Variants in LARS1 observed in about 807,000 individuals in gnomAD.
LARS1 encodes the protein leucine--tRNA ligase, cytoplasmic.
Under a neutral mutation model 162.8 loss-of-function variants are expected in LARS1, and 100 were observed. That is an observed-to-expected ratio of 0.61 (90% CI 0.52 to 0.73). The LOEUF (loss-of-function observed/expected upper bound fraction) is 0.73. LARS1 is among the 30% of genes least tolerant of loss of function. The probability of loss-of-function intolerance (pLI) is 0.00; values close to 1 mark genes in which losing one functional copy is unlikely to be tolerated. For synonymous variants in LARS1, 457 were observed against 462.8 expected, an observed-to-expected ratio of 0.99 and a Z score of 0.16; for missense variants, 1,258 against 1,408.9, an observed-to-expected ratio of 0.89 and a Z score of 1.71.
chr5:146,133,836 T>C (rs558192906), intron 22 of LARS1, among the ~76,000 whole-genome samples: 1 of 152,188 alleles, frequency 6.6e-6, no homozygotes, highest in African/African-American at 2.4e-5. Flanking sequence ...TACATACACA[T>C]ATCTATGTTT....
chr5:146,160,421 C>T lies in LARS1; in HGVS notation c.660G>A (p.Trp220Ter). Residue 220 changes from tryptophan to a stop codon, truncating the protein, a stop_gained, in exon 7 of 32, where the codon TGG (tryptophan) becomes TGA (stop). Coordinates refer to ENST00000394434, the MANE Select transcript of LARS1 (RefSeq NM_020117.11). LOFTEE classifies it high-confidence loss of function. ...VNPYYDSFVR[W>*]QFLTLRERNK... The stretch of plus-strand genomic sequence containing the variant: ...TTCTTTCTCTTAATGTTAAAAATTG[C>T]CATCTGACAAATGAATCATAGTAAG... The T allele has an allele frequency of 6.3e-7, 1 of 1,583,348 alleles. No individual in the cohort carries two copies. The highest frequency in any genetic ancestry group is 8.6e-7 in the Non-Finnish European group (1 of 1,166,338).
chr5:146,175,311 G>A (rs948511075), intron 2 of LARS1, among the ~76,000 whole-genome samples: 1 of 148,868 alleles, frequency 6.7e-6, no homozygotes, highest in Non-Finnish European at 1.5e-5. Context: ...TTTGGGAGTC[G>A]GAGGCAGGCG....
intron 15 of LARS1, among the ~76,000 whole-genome samples, chr5:146,146,360 A>AG (rs1561814165): frequency 2.2e-5 from 3 of 136,896 alleles, no homozygotes; most frequent in African/African-American, 5.0e-5. Flanking sequence ...AAAAAGAAAG[A>AG]GAAGAGAGAG....
At chr5:146,144,199 G>A in intron 18 of LARS1, 68 bp downstream of exon 18, 1 of 1,176,794 alleles carries the variant, frequency 8.5e-7, no homozygotes, top group South Asian at 1.4e-5. Context: ...AGGGGGGAAA[G>A]GTAAAAATGT....
intron 6 of LARS1, among the ~76,000 whole-genome samples, chr5:146,163,318 T>C (rs1449242742): frequency 2.0e-5 from 3 of 152,206 alleles, no homozygotes; most frequent in Non-Finnish European, 4.4e-5. Context: ...ACTTTCTCCA[T>C]ATCTGCAATA....
chr5:146,182,502 C>T lies in LARS1; in HGVS notation c.-9G>A. On this transcript the variant is annotated 5_prime_UTR_variant, in exon 1 of 32. Transcript: ENST00000394434. ...CTCAAACTCACCGCCATTGCACCGC[C>T]CAGCCGACTGTGCAAATCCACGACA... 6.2e-7 allele frequency: 1 copy of T among 1,613,940 alleles called. No homozygotes were observed. Among genetic ancestry groups the T allele is most frequent in the Non-Finnish European group, 8.5e-7 (1 of 1,179,880 alleles).
chr5:146,149,582 C>G, intron 15 of LARS1, 40 bp downstream of exon 15: 1 of 1,384,988 alleles, frequency 7.2e-7, no homozygotes, highest in Admixed American at 1.7e-5. Context: ...CTATTAACAG[C>G]TCTTCTAAAA....
chr5:146,129,547 C>T (rs551641624), intron 25 of LARS1, among the ~76,000 whole-genome samples: 18 of 152,232 alleles, frequency 1.2e-4, no homozygotes, highest in African/African-American at 4.1e-4. Flanking sequence ...TACAAAAGAG[C>T]CTAGCTAATA....
Position 146,142,183 on chromosome 5 carries a change from G to A in LARS1, c.2090+689C>T, listed in dbSNP as rs573912836. On this transcript the variant is annotated intron_variant, in intron 20 of 31. Coordinates refer to ENST00000394434, the MANE Select transcript of LARS1 (RefSeq NM_020117.11). ...CTCAAAAAAAATAAAAAATATTCGGGAGGCTGAGACAGGAGAATTGCTTGA... is the reference window on the plus strand; with the variant it reads ...CTCAAAAAAAATAAAAAATATTCGGAAGGCTGAGACAGGAGAATTGCTTGA... Among the ~76,000 whole-genome samples the A allele has an allele frequency of 2.0e-4, 30 of 152,074 alleles. No individual in the cohort carries two copies. In the South Asian group the frequency reaches 5.8e-3, roughly 30 times the overall value.
chr5:146,152,151 T>A, intron 13 of LARS1, 149 bp from the exon 14 acceptor site: 1 of 855,122 alleles, frequency 1.2e-6, no homozygotes, highest in Non-Finnish European at 1.8e-6. Context: ...AATCACAGAG[T>A]GACTAACTTC....
intron 5 of LARS1, among the ~76,000 whole-genome samples, chr5:146,167,722 G>C (rs1188367370): frequency 6.8e-6 from 1 of 147,620 alleles, no homozygotes; most frequent in Middle Eastern, 3.6e-3. Context: ...GTAGAGACGG[G>C]GTTTCACCAT....
At chr5:146,124,469 AC>A (rs967111594) in intron 28 of LARS1, among the ~76,000 whole-genome samples, 1 of 151,880 alleles carries the variant, frequency 6.6e-6, no homozygotes, top group African/African-American at 2.4e-5. Context: ...CCCAAAAAAA[AC>A]AAAATTTTAA....
At chr5:146,175,404 G>A (rs1374610090) in intron 2 of LARS1, among the ~76,000 whole-genome samples, 2 of 151,614 alleles carry the variant, frequency 1.3e-5, no homozygotes, top group Admixed American at 1.3e-4. Flanking sequence ...TTAGCCAGGC[G>A]TGGTGGCATG....
chr5:146,141,050 T>C (rs901763943), intron 20 of LARS1, among the ~76,000 whole-genome samples: 9 of 152,168 alleles, frequency 5.9e-5, no homozygotes, highest in Admixed American at 3.3e-4. Flanking sequence ...AATAGAGTAG[T>C]GTGCAGGCAA....
At chr5:146,140,822 C>T (rs1177992795) in intron 20 of LARS1, among the ~76,000 whole-genome samples, 1 of 150,806 alleles carries the variant, frequency 6.6e-6, no homozygotes, top group Non-Finnish European at 1.5e-5. Flanking sequence ...TGTATATATA[C>T]ACACACACAC....
At position 146,153,827 on chromosome 5, in the gene LARS1, T is replaced by C. The variant is rs745419496; in HGVS notation, c.1154-17A>G. On this transcript the variant is annotated splice_polypyrimidine_tract_variant and intron_variant, in intron 11 of 31. Coordinates refer to ENST00000394434, the MANE Select transcript of LARS1 (RefSeq NM_020117.11). ...CACCAGTGCCTTAGAAAACAAAGTGTGGAATTAATAACTAGAACCAAAATG... is the reference window on the plus strand; with the variant it reads ...CACCAGTGCCTTAGAAAACAAAGTGCGGAATTAATAACTAGAACCAAAATG... The C allele has an allele frequency of 1.2e-6, 2 of 1,613,286 alleles. No individual in the cohort carries two copies. The highest frequency in any genetic ancestry group is 1.7e-6 in the Non-Finnish European group (2 of 1,179,306).
In LARS1 at chr5:146,160,413, A is replaced by G. The variant is rs1753728498; in HGVS notation, c.668T>C (p.Leu223Ser). Residue 223 changes from leucine to serine, a missense_variant, in exon 7 of 32, where the codon TTA becomes TCA. Leu to Ser is a moderately radical substitution (Grantham distance 145). Transcript: ENST00000394434. ...AATTTTGTTTCTTTCTCTTAATGTT[A>G]AAAATTGCCATCTGACAAATGAATC... is the stretch of plus-strand genomic sequence containing the variant. ...YYDSFVRWQF[L>S]TLRERNKIKF... 1 of 1,580,964 alleles carries G rather than the reference A, an allele frequency of 6.3e-7. No individual in the cohort carries two copies. Among genetic ancestry groups the G allele is most frequent in the Admixed American group, 1.9e-5 (1 of 52,960 alleles).
intron 22 of LARS1, 27 bp from the exon 23 acceptor site, chr5:146,133,108 C>A: frequency 6.2e-7 from 1 of 1,605,440 alleles, no homozygotes. Flanking sequence ...AAATTCAATG[C>A]ATTAAAAATA....
In LARS1 at chr5:146,157,581, G is replaced by A. The variant is rs1446134579; in HGVS notation, c.887C>T (p.Pro296Leu). ...ATTTGTCTGCCCAAACATGGTCTCAGGTCTGAGAGTAGCAGCCACCAAGAA... is the reference window on the plus strand; with the variant it reads ...ATTTGTCTGCCCAAACATGGTCTCAAGTCTGAGAGTAGCAGCCACCAAGAA... The part of the protein sequence containing the change: ...NIFLVAATLR[P>L]ETMFGQTNCW... Residue 296 changes from proline to leucine, a missense_variant, in exon 10 of 32, where the codon CCT becomes CTT. By Grantham distance (98) the Pro-to-Leu change is moderately conservative. Coordinates refer to ENST00000394434, the MANE Select transcript of LARS1 (RefSeq NM_020117.11). 3 of 1,613,864 alleles carry A rather than the reference G, an allele frequency of 1.9e-6. No individual in the cohort carries two copies. Among genetic ancestry groups the A allele is most frequent in the African/African-American group, 2.7e-5 (2 of 74,862 alleles).
Sources: allele counts gnomAD v4.1 joint callset (sites outside exome capture counted in the v4.1 genomes callset), GRCh38; gene constraint gnomAD v4.1.1; transcripts MANE v1.5; gene names NCBI Gene and HGNC (gene_info 2026-07-23, HGNC 2026-07-21).